Variants in TNFSF10 observed in about 807,000 individuals in gnomAD.
The protein encoded by TNFSF10 is TNF superfamily member 10, also known as tumor necrosis factor ligand superfamily member 10.
TNFSF10 carries 13 observed loss-of-function variants against 29.5 expected under a neutral mutation model. That is an observed-to-expected ratio of 0.44 (90% CI 0.29 to 0.70). TNFSF10 has a LOEUF of 0.70. Ranked by LOEUF, TNFSF10 falls within the 30% of genes least tolerant of loss-of-function variation. The pLI, the probability that TNFSF10 is intolerant of heterozygous loss-of-function variation, is 0.13. For missense variants in TNFSF10, 345 were observed against 330.9 expected, an observed-to-expected ratio of 1.04 and a Z score of -0.33; for synonymous variants, 111 against 112.8, an observed-to-expected ratio of 0.98 and a Z score of 0.10.
chr3:172,517,285 C>G (rs1404812091), intron 1 of TNFSF10: 2 of 970,708 alleles, frequency 2.1e-6, no homozygotes, highest in Non-Finnish European at 1.2e-6. Flanking sequence ...CAGGTTAGCA[C>G]CAATTGCTGG....
intron 1 of TNFSF10, among the ~76,000 whole-genome samples, chr3:172,520,214 A>C (rs1315399465): frequency 1.3e-5 from 2 of 152,206 alleles, no homozygotes; most frequent in Non-Finnish European, 2.9e-5. Context: ...TTTCATCGAG[A>C]AAATCATAAA....
At position 172,515,545 on chromosome 3, in the gene TNFSF10, C is replaced by T. The variant is rs1047452331; in HGVS notation, c.133-547G>A. ...ATTCTAGTTACTGATCTGATTTCTA[C>T]TCCTCTGGCTGGCAAAATCTGGACC... On this transcript the variant is annotated intron_variant, in intron 1 of 4. Transcript: ENST00000241261. Among the ~76,000 whole-genome samples the T allele has an allele frequency of 2.6e-5, 4 of 152,272 alleles. No homozygotes were observed. The East Asian group carries it at 7.7e-4, about 29-fold the overall frequency.
chr3:172,506,319 T>G lies in TNFSF10; in HGVS notation c.*173A>C. The G allele has an allele frequency of 1.5e-6, 1 of 651,486 alleles. No homozygotes were observed. Among genetic ancestry groups the G allele is most frequent in the Non-Finnish European group, 2.5e-6 (1 of 392,334 alleles). 40.4% of individuals were successfully genotyped at this position (651,486 alleles called of 1,614,324 possible). On this transcript the variant is annotated 3_prime_UTR_variant, in exon 5 of 5. Transcript: ENST00000241261. ...TAAGTGAGTCACTTTCAGAACAGTG[T>G]GTGTTGTAGAATTTTTTGGTTGTGG...
At chr3:172,518,495 A>G in intron 1 of TNFSF10, 1 of 1,276,036 alleles carries the variant, frequency 7.8e-7, no homozygotes, top group Non-Finnish European at 1.0e-6. Flanking sequence ...TCATTTATGG[A>G]GATCCGTGGA....
intron 3 of TNFSF10, among the ~76,000 whole-genome samples, chr3:172,509,969 A>G (rs1463264706): frequency 2.4e-5 from 3 of 123,470 alleles, no homozygotes; most frequent in Non-Finnish European, 5.0e-5. Context: ...ACAGAGCAAG[A>G]CTCCGTCAAA....
At chr3:172,518,489 T>C in intron 1 of TNFSF10, 3 of 1,285,358 alleles carry the variant, frequency 2.3e-6, no homozygotes, top group Non-Finnish European at 3.0e-6. Context: ...AAAGGATCAT[T>C]TATGGAGATC....
At chr3:172,520,381 C>T (rs1577015876) in intron 1 of TNFSF10, among the ~76,000 whole-genome samples, 2 of 152,218 alleles carry the variant, frequency 1.3e-5, no homozygotes, top group Non-Finnish European at 2.9e-5. Context: ...TTACCCATGA[C>T]ATGCCCGTGC....
intron 1 of TNFSF10, chr3:172,518,164 T>G (rs777177166): frequency 9.1e-7 from 1 of 1,094,692 alleles, no homozygotes; most frequent in Non-Finnish European, 1.1e-6. Context: ...CTAACCACAC[T>G]TGGGCATTGG....
intron 1 of TNFSF10, chr3:172,518,237 A>G: frequency 4.4e-6 from 5 of 1,140,036 alleles, no homozygotes; most frequent in Non-Finnish European, 5.5e-6. Flanking sequence ...AAGCTCTTGC[A>G]CTGGGTGCCT....
chr3:172,515,873 T>TTTG (rs1713409638), intron 1 of TNFSF10, among the ~76,000 whole-genome samples: 1 of 151,636 alleles, frequency 6.6e-6, no homozygotes, highest in Admixed American at 6.6e-5. Context: ...GCCAGAAGGG[T>TTTG]TTTGTTTGTT....
intron 1 of TNFSF10, among the ~76,000 whole-genome samples, chr3:172,516,053 G>A (rs1305249754): frequency 6.6e-6 from 1 of 152,134 alleles, no homozygotes; most frequent in Non-Finnish European, 1.5e-5. Flanking sequence ...ACAAAGTCAG[G>A]AGATCGAGAC....
intron 3 of TNFSF10, among the ~76,000 whole-genome samples, chr3:172,509,575 T>C (rs1470167141): frequency 6.6e-6 from 1 of 152,048 alleles, no homozygotes; most frequent in African/African-American, 2.4e-5. Context: ...ACGGGTAGGG[T>C]CCAAAGAGAA....
At chr3:172,518,469 C>T in intron 1 of TNFSF10, 6 of 1,288,932 alleles carry the variant, frequency 4.7e-6, no homozygotes. Flanking sequence ...CTGCAAACTG[C>T]AAATAGCATA....
At chr3:172,518,503 G>C in intron 1 of TNFSF10, 1 of 1,273,570 alleles carries the variant, frequency 7.9e-7, no homozygotes, top group South Asian at 1.3e-5. Flanking sequence ...GGAGATCCGT[G>C]GAGAGGAAGC....
At chr3:172,517,973 G>A (rs1015755813) in intron 1 of TNFSF10, 33 of 985,356 alleles carry the variant, frequency 3.3e-5, no homozygotes, top group Admixed American at 6.1e-5. Flanking sequence ...AATTTTGGTA[G>A]TTTCTCCTAT....
chr3:172,515,270 C>T (rs1713384620), intron 1 of TNFSF10, among the ~76,000 whole-genome samples: 2 of 152,066 alleles, frequency 1.3e-5, no homozygotes, highest in South Asian at 4.1e-4. Flanking sequence ...CCTTACTAAA[C>T]AGCTGTGCTT....
chr3:172,518,038 T>C, intron 1 of TNFSF10: 1 of 992,216 alleles, frequency 1.0e-6, no homozygotes, highest in East Asian at 1.1e-4. Context: ...TGAGGTGCTG[T>C]GGTTATTCCA....
chr3:172,518,178 C>T, intron 1 of TNFSF10: 1 of 1,104,588 alleles, frequency 9.1e-7, no homozygotes, highest in South Asian at 2.2e-5. Context: ...GCATTGGGGG[C>T]AGAAGGTAGC....
chr3:172,522,174 G>A (rs757547402), intron 1 of TNFSF10: 2 of 362,066 alleles, frequency 5.5e-6, no homozygotes, highest in African/African-American at 2.1e-5. Context: ...AAACCTGCAC[G>A]TTCTGTACAC....
Sources: gnomAD v4.1 joint callset for allele counts (sites outside exome capture counted in the v4.1 genomes callset) on GRCh38, gnomAD v4.1.1 for gene constraint, MANE v1.5 for transcripts, NCBI Gene and HGNC (gene_info 2026-07-23, HGNC 2026-07-21) for gene names.